Variants in ANAPC11 observed in about 807,000 individuals in gnomAD.
ANAPC11 encodes the protein anaphase-promoting complex subunit 11.
ANAPC11 carries 5 observed loss-of-function variants against 11.8 expected under a neutral mutation model. That is an observed-to-expected ratio of 0.42 (90% CI 0.22 to 0.89). ANAPC11 has a LOEUF of 0.89. ANAPC11 is among the 40% of genes least tolerant of loss of function. The pLI, the probability that ANAPC11 is intolerant of heterozygous loss-of-function variation, is 0.28. For missense variants in ANAPC11, 68 were observed against 112.9 expected, an observed-to-expected ratio of 0.60 and a Z score of 1.80; for synonymous variants, 45 against 41.0, an observed-to-expected ratio of 1.10 and a Z score of -0.38.
intron 1 of ANAPC11, chr17:81,892,995 C>G (rs1198532308): frequency 6.6e-6 from 1 of 150,894 alleles, no homozygotes; most frequent in Non-Finnish European, 1.5e-5. Context: ...GCAGCTGGTG[C>G]ACGCCACCAC....
chr17:81,893,345 G>C (rs2039618746), intron 1 of ANAPC11, among the ~76,000 whole-genome samples: 1 of 152,078 alleles, frequency 6.6e-6, no homozygotes, highest in Non-Finnish European at 1.5e-5. Flanking sequence ...GCCTGCCTCA[G>C]CCTCCCAAAG....
At chr17:81,894,943 C>T in intron 3 of ANAPC11, 1 of 215,184 alleles carries the variant, frequency 4.6e-6, no homozygotes, top group Non-Finnish European at 9.1e-6. Flanking sequence ...GCCTTGAACT[C>T]CTGACCTCAG....
intron 3 of ANAPC11, among the ~76,000 whole-genome samples, chr17:81,895,787 G>C (rs2039722143): frequency 1.3e-5 from 2 of 152,214 alleles, no homozygotes; most frequent in Admixed American, 1.3e-4. Context: ...GGCCAACATA[G>C]TGAAACGCCA....
chr17:81,900,243 T>A lies in ANAPC11; in HGVS notation c.*178T>A. 1.0e-6 allele frequency: 1 copy of A among 1,002,962 alleles called. No homozygotes were observed. Among genetic ancestry groups the A allele is most frequent in the Non-Finnish European group, 1.4e-6 (1 of 698,490 alleles). 62.1% of individuals were successfully genotyped at this position (1,002,962 alleles called of 1,614,324 possible). A position where few individuals can be genotyped will look rare whatever the true frequency, so the allele number is the denominator to read the frequency against. The stretch of plus-strand genomic sequence containing the variant: ...TCCAATAAGTGAAAACTCATTAAAC[T>A]ACTCAAATCTTGCTGGAGGCCTCTG... On this transcript the variant is annotated 3_prime_UTR_variant, in exon 4 of 4. Transcript: ENST00000344877.
intron 3 of ANAPC11, among the ~76,000 whole-genome samples, chr17:81,895,471 AC>A (rs1389572463): frequency 6.6e-6 from 1 of 152,262 alleles, no homozygotes; most frequent in African/African-American, 2.4e-5. Flanking sequence ...GCTGTGAAAT[AC>A]GTGGGATTAA....
chr17:81,895,050 C>CTT (rs766422017), intron 3 of ANAPC11, among the ~76,000 whole-genome samples: 1,187 of 84,954 alleles, frequency 0.014, 73 homozygotes, highest in African/African-American at 0.05. Flanking sequence ...TCTTTCTTTT[C>CTT]TTTTTTTTTT....
intron 3 of ANAPC11, chr17:81,894,833 T>C: frequency 2.5e-6 from 1 of 396,738 alleles, no homozygotes; most frequent in Non-Finnish European, 4.5e-6. Flanking sequence ...TTCTCCTGCC[T>C]CAGCCTTCCA....
intron 1 of ANAPC11, among the ~76,000 whole-genome samples, 161 bp from the exon 2 acceptor site, chr17:81,893,391 C>T (rs1391164506): frequency 6.6e-6 from 1 of 151,624 alleles, no homozygotes; most frequent in Non-Finnish European, 1.5e-5. Context: ...TACGCCTGGC[C>T]TCTAATTTTT....
chr17:81,892,553 C>T (rs2039579545), intron 1 of ANAPC11, among the ~76,000 whole-genome samples: 1 of 138,530 alleles, frequency 7.2e-6, no homozygotes, highest in African/African-American at 3.0e-5. Context: ...GAGGCAGTCT[C>T]ATTCTGTCGC....
chr17:81,891,779 G>C lies in ANAPC11; in HGVS notation c.-137G>C. 1 of 327,288 alleles carries C rather than the reference G, an allele frequency of 3.1e-6. No individual in the cohort carries two copies. 20.3% of individuals were successfully genotyped at this position (327,288 alleles called of 1,614,324 possible). On this transcript the variant is annotated 5_prime_UTR_variant, in exon 1 of 4. Coordinates refer to ENST00000344877, the MANE Select transcript of ANAPC11 (RefSeq NM_001002248.3). ...CTGTTGAGGGAGTCGGGCCGCGACTGTGGTCGTTTTTATACCTTCCCGCGC... is the reference window on the plus strand; with the variant it reads ...CTGTTGAGGGAGTCGGGCCGCGACTCTGGTCGTTTTTATACCTTCCCGCGC...
upstream of ANAPC11, chr17:81,890,899 C>T: frequency 6.3e-7 from 1 of 1,589,032 alleles, no homozygotes; most frequent in Non-Finnish European, 8.6e-7. Context: ...TACTCCGGAC[C>T]CTTCCTCTTC....
intron 2 of ANAPC11, 141 bp downstream of exon 2, chr17:81,893,755 C>CTTTTTTTTTT (rs751340381): frequency 3.2e-5 from 4 of 123,800 alleles, no homozygotes; most frequent in African/African-American, 6.2e-5. Context: ...CTTTTTTTTC[C>CTTTTTTTTTT]TTTTTTTTTT....
At position 81,898,431 on chromosome 17, in the gene ANAPC11, GAC is replaced by G. The variant is rs1483323049; in HGVS notation, c.110-1485_110-1484del. 5 of 152,380 alleles carry G rather than the reference GAC, an allele frequency of 3.3e-5. No homozygotes were observed. The East Asian group carries it at 5.8e-4, about 18-fold the overall frequency. The allele number at this position is 152,380 out of a possible 1,614,324, so 9.4% of individuals were successfully genotyped here. On this transcript the variant is annotated intron_variant, in intron 3 of 3. Coordinates refer to ENST00000344877, the MANE Select transcript of ANAPC11 (RefSeq NM_001002248.3). The stretch of plus-strand genomic sequence containing the variant: ...CCTGAACACTCAGCATGTCTCCGCT[GAC>G]ACAGTGTGCTCAGGCTTTGTTAACA...
upstream of ANAPC11, chr17:81,891,004 G>C: frequency 1.1e-6 from 1 of 904,264 alleles, no homozygotes. Flanking sequence ...CACCGCGGCC[G>C]CACAACTTCA....
upstream of ANAPC11, chr17:81,891,123 C>T (rs1205134759): frequency 4.8e-6 from 3 of 620,544 alleles, no homozygotes; most frequent in East Asian, 7.6e-5. Flanking sequence ...AGGGTCTCAG[C>T]CTCCGGGACC....
At chr17:81,894,666 C>T in intron 3 of ANAPC11, 80 bp downstream of exon 3, 1 of 816,420 alleles carries the variant, frequency 1.2e-6, no homozygotes, top group Non-Finnish European at 1.9e-6. Flanking sequence ...GCTGGACTAG[C>T]CTCAGTAGCT....
chr17:81,896,889 C>T (rs982889189), intron 3 of ANAPC11, among the ~76,000 whole-genome samples: 46 of 145,066 alleles, frequency 3.2e-4, no homozygotes, highest in African/African-American at 1.0e-3. Flanking sequence ...CTCAGCTCAC[C>T]GCAACCCCCA....
chr17:81,894,813 G>A lies in ANAPC11; in HGVS notation c.109+227G>A, dbSNP rs529160135. ...GCTTGCCGCAACCTCTGCCTCCCGG[G>A]TTCAAACGGTTCTCCTGCCTCAGCC... On this transcript the variant is annotated intron_variant, in intron 3 of 3. Coordinates refer to ENST00000344877, the MANE Select transcript of ANAPC11 (RefSeq NM_001002248.3). The A allele has an allele frequency of 3.1e-5, 13 of 416,748 alleles. No homozygotes were observed. In the East Asian group the frequency reaches 4.4e-4, roughly 14 times the overall value. 25.8% of individuals were successfully genotyped at this position (416,748 alleles called of 1,614,324 possible). A position where few individuals can be genotyped will look rare whatever the true frequency, so the allele number is the denominator to read the frequency against.
intron 3 of ANAPC11, 29 bp downstream of exon 3, chr17:81,894,615 G>A (rs369548105): frequency 3.3e-6 from 5 of 1,514,914 alleles, no homozygotes; most frequent in East Asian, 2.4e-5. Flanking sequence ...CTGTCTGAGC[G>A]GCCCCGACTG....
Sources: allele counts gnomAD v4.1 joint callset (sites outside exome capture counted in the v4.1 genomes callset), GRCh38; gene constraint gnomAD v4.1.1; transcripts MANE v1.5; gene names NCBI Gene and HGNC (gene_info 2026-07-23, HGNC 2026-07-21).